CAST: variants seen among roughly 807,000 people sequenced by gnomAD.
CAST encodes the protein MIR583 host.
CAST carries 76 observed loss-of-function variants against 119.6 expected under a neutral mutation model. The ratio of observed to expected loss-of-function variants is 0.64; its 90% CI spans 0.53 to 0.77. The LOEUF (loss-of-function observed/expected upper bound fraction) is 0.77. Among genes scored for constraint, CAST ranks in the 30% least tolerant of loss-of-function variants. The pLI is 0.00. For missense variants in CAST, 953 were observed against 946.5 expected (o/e 1.01, Z -0.09); for synonymous variants, 319 against 331.6 (o/e 0.96, Z 0.41).
chr5:96,326,160 G>A, the CAST span, among the ~76,000 whole-genome samples: 721 of 152,208 alleles, frequency 4.7e-3, 2 homozygotes, highest in African/African-American at 0.015. Context: ...TGTTGATTTG[G>A]TTCCCTTATT....
the CAST span, among the ~76,000 whole-genome samples, chr5:96,223,513 C>CA: frequency 6.6e-6 from 1 of 152,164 alleles, no homozygotes; most frequent in South Asian, 2.1e-4. Context: ...GGATTGCCAG[C>CA]AACCATCAGA....
the CAST span, among the ~76,000 whole-genome samples, chr5:96,158,058 C>A: frequency 2.0e-3 from 306 of 150,678 alleles, 2 homozygotes; most frequent in Non-Finnish European, 2.7e-3. Flanking sequence ...TACACCCCCC[C>A]AAAACAAACC....
At chr5:96,423,277 T>C in the CAST span, 1 of 1,583,104 alleles carries the variant, frequency 6.3e-7, no homozygotes, top group Non-Finnish European at 8.6e-7. Flanking sequence ...CACAGACAGC[T>C]CCCTAAGTCA....
the CAST span, among the ~76,000 whole-genome samples, chr5:96,129,863 A>T: frequency 6.6e-6 from 1 of 152,070 alleles, no homozygotes; most frequent in Non-Finnish European, 1.5e-5. Context: ...ATTAATTATA[A>T]TAGCATTGCC....
At chr5:96,753,159 A>G (rs986333230) in intron 20 of CAST, among the ~76,000 whole-genome samples, 1 of 151,920 alleles carries the variant, frequency 6.6e-6, no homozygotes, top group Non-Finnish European at 1.5e-5. Context: ...ATGCCTGGCT[A>G]ATTTTTAAAA....
chr5:96,368,740 C>G, the CAST span, among the ~76,000 whole-genome samples: 3 of 151,984 alleles, frequency 2.0e-5, no homozygotes, highest in Admixed American at 2.0e-4. Context: ...TTGAATTGCT[C>G]CTTCATATTG....
At chr5:96,520,519 T>TTGTGTCAGTGTGTGTGTGTC (rs1745498279), upstream of CAST, among the ~76,000 whole-genome samples, 2 of 151,856 alleles carry the variant, frequency 1.3e-5, no homozygotes, top group African/African-American at 4.8e-5. Flanking sequence ...GTGTGTGTGT[T>TTGTGTCAGTGTGTGTGTGTC]TGTGTCAGTG....
chr5:96,301,866 T>G, the CAST span, among the ~76,000 whole-genome samples: 1 of 152,184 alleles, frequency 6.6e-6, no homozygotes, highest in Non-Finnish European at 1.5e-5. Context: ...TGCAAGCTGT[T>G]GGTGGATCTA....
chr5:96,227,394 G>T, the CAST span, among the ~76,000 whole-genome samples: 1 of 152,210 alleles, frequency 6.6e-6, no homozygotes, highest in South Asian at 2.1e-4. Context: ...TCAGAGAGGT[G>T]CTGGGAAAAA....
the CAST span, among the ~76,000 whole-genome samples, chr5:96,279,594 A>G: frequency 4.6e-5 from 7 of 152,238 alleles, no homozygotes; most frequent in African/African-American, 1.7e-4. Context: ...ATTAATAGAC[A>G]TGATAAGAAC....
the CAST span, among the ~76,000 whole-genome samples, chr5:96,139,556 A>ATG: frequency 0.35 from 51,403 of 146,990 alleles, 9,514 homozygotes; most frequent in African/African-American, 0.49. Context: ...ATGTATATAT[A>ATG]TGTGTGTGTG....
chr5:96,655,821 A>G (rs1304111579), intron 1 of CAST, among the ~76,000 whole-genome samples: 1 of 152,252 alleles, frequency 6.6e-6, no homozygotes, highest in South Asian at 2.1e-4. Context: ...TAACATTCTC[A>G]AGAGCCTATT....
the CAST span, among the ~76,000 whole-genome samples, chr5:96,244,544 C>T: frequency 3.5e-4 from 53 of 152,120 alleles, no homozygotes; most frequent in African/African-American, 1.0e-3. Flanking sequence ...TTATAGATAC[C>T]GGACATTATT....
intron 9 of CAST, 29 bp from the exon 10 acceptor site, chr5:96,736,143 G>T: frequency 7.1e-7 from 1 of 1,409,360 alleles, no homozygotes; most frequent in Non-Finnish European, 1.0e-6. Context: ...AGGTATGTGA[G>T]GAGTTGTTAA....
chr5:96,530,821 T>G (rs1236364717), intron 1 of CAST, among the ~76,000 whole-genome samples: 1 of 152,146 alleles, frequency 6.6e-6, no homozygotes, highest in Non-Finnish European at 1.5e-5. Flanking sequence ...AGAATGGCTC[T>G]TACTCTGTCT....
At position 96,536,655 on chromosome 5, in the gene CAST, A is replaced by G. The variant is rs184765211; in HGVS notation, c.60+6775A>G. 4.4e-4 allele frequency among the ~76,000 whole-genome samples: 67 copies of G among 152,310 alleles called. No homozygotes were observed. In the Middle Eastern group the frequency reaches 0.024, roughly 54 times the overall value. ...AGTGATGATACATTTTTCTTTCTCT[A>G]TATTCATCACATTTCTCAAGTAAAT... On this transcript the variant is annotated intron_variant, in intron 1 of 11. Transcript: ENST00000505143.
chr5:95,978,950 A>G, the CAST span, among the ~76,000 whole-genome samples: 1 of 152,032 alleles, frequency 6.6e-6, no homozygotes, highest in Non-Finnish European at 1.5e-5. Flanking sequence ...ATGAATTAAC[A>G]CTCCTTAAAT....
chr5:96,448,427 T>C, the CAST span, among the ~76,000 whole-genome samples: 2 of 152,212 alleles, frequency 1.3e-5, no homozygotes, highest in African/African-American at 2.4e-5. Context: ...CATTCATTCA[T>C]TCATTCACTC....
chr5:96,114,647 T>C, the CAST span, among the ~76,000 whole-genome samples: 1 of 152,184 alleles, frequency 6.6e-6, no homozygotes, highest in Non-Finnish European at 1.5e-5. Context: ...GATTTCATGA[T>C]TTAATGAAGG....
Sources: allele counts gnomAD v4.1 joint callset (sites outside exome capture counted in the v4.1 genomes callset), GRCh38; gene constraint gnomAD v4.1.1; transcripts MANE v1.5; gene names NCBI Gene and HGNC (gene_info 2026-07-23, HGNC 2026-07-21).